The following STRN3 variants were observed in gnomAD, a reference collection of about 807,000 sequenced individuals.
The protein encoded by STRN3 is striatin-3.
Under a neutral mutation model 95.6 loss-of-function variants are expected in STRN3, and 29 were observed. The ratio of observed to expected loss-of-function variants is 0.30; its 90% CI spans 0.23 to 0.41. The LOEUF (loss-of-function observed/expected upper bound fraction) is 0.41, where lower values mean the gene tolerates loss of function less well. STRN3 is among the 10% of genes least tolerant of loss of function. STRN3 has a pLI of 1.00. For synonymous variants in STRN3, 331 were observed against 357.6 expected (o/e 0.93, Z 0.84); for missense variants, 890 against 972.1 (o/e 0.92, Z 1.12).
intron 1 of STRN3, among the ~76,000 whole-genome samples, chr14:31,015,230 A>C (rs746151104): frequency 5.3e-5 from 8 of 152,166 alleles, no homozygotes; most frequent in Non-Finnish European, 7.3e-5. Context: ...TTTGACACAA[A>C]CCATGCCACT....
At chr14:30,979,975 G>A (rs2139222699) in intron 1 of STRN3, among the ~76,000 whole-genome samples, 1 of 134,758 alleles carries the variant, frequency 7.4e-6, no homozygotes, top group Non-Finnish European at 1.7e-5. Flanking sequence ...CAGGCCAGGT[G>A]CGGTGGCTCA....
chr14:30,968,954 T>A (rs949418886), intron 1 of STRN3, among the ~76,000 whole-genome samples: 1 of 152,100 alleles, frequency 6.6e-6, no homozygotes, highest in Non-Finnish European at 1.5e-5. Context: ...TTAAAAAAAA[T>A]ATATATTTTG....
intron 15 of STRN3, among the ~76,000 whole-genome samples, chr14:30,902,981 G>A (rs2138957957): frequency 6.6e-6 from 1 of 152,114 alleles, no homozygotes; most frequent in African/African-American, 2.4e-5. Context: ...AGCATTTAAA[G>A]AAGGAAAACA....
chr14:31,008,917 T>C (rs772967427), intron 1 of STRN3, among the ~76,000 whole-genome samples: 2 of 151,798 alleles, frequency 1.3e-5, no homozygotes, highest in Admixed American at 6.6e-5. Context: ...CACACACCTA[T>C]AGTCTCAGCT....
At chr14:30,948,770 T>C (rs1879491952) in intron 4 of STRN3, among the ~76,000 whole-genome samples, 1 of 152,194 alleles carries the variant, frequency 6.6e-6, no homozygotes, top group Non-Finnish European at 1.5e-5. Context: ...AGAGACTAAA[T>C]TGTAAATCAG....
At chr14:30,945,154 A>G (rs1413924977) in intron 5 of STRN3, among the ~76,000 whole-genome samples, 1 of 152,170 alleles carries the variant, frequency 6.6e-6, no homozygotes, top group Non-Finnish European at 1.5e-5. Context: ...TATATCTGTT[A>G]GACAATAACA....
At chr14:30,919,411 A>G (rs1896826501) in intron 8 of STRN3, among the ~76,000 whole-genome samples, 3 of 151,838 alleles carry the variant, frequency 2.0e-5, no homozygotes, top group African/African-American at 4.8e-5. Flanking sequence ...AGAGTTCTTT[A>G]AAGTTCTGTA....
chr14:30,943,513 T>C (rs930279514), intron 5 of STRN3, among the ~76,000 whole-genome samples: 8 of 152,054 alleles, frequency 5.3e-5, no homozygotes, highest in African/African-American at 9.7e-5. Context: ...AGTGGGAGGA[T>C]TGCTTGAGCC....
At chr14:30,982,332 G>A (rs1461372229) in intron 1 of STRN3, among the ~76,000 whole-genome samples, 1 of 152,096 alleles carries the variant, frequency 6.6e-6, no homozygotes, top group Non-Finnish European at 1.5e-5. Context: ...TTTTTAGACA[G>A]AGTCTCACTC....
At chr14:30,942,808 C>T (rs1356823367) in intron 5 of STRN3, among the ~76,000 whole-genome samples, 1 of 152,150 alleles carries the variant, frequency 6.6e-6, no homozygotes, top group East Asian at 1.9e-4. Context: ...CAACTAGATA[C>T]ACAATATTTC....
At chr14:30,907,106 A>G (rs1042780095) in intron 13 of STRN3, 62 bp from the exon 14 acceptor site, 5 of 1,566,326 alleles carry the variant, frequency 3.2e-6, no homozygotes, top group Admixed American at 3.9e-5. Context: ...ACTTTGATAC[A>G]TAAAGAAAAC....
intron 3 of STRN3, among the ~76,000 whole-genome samples, chr14:30,955,089 G>A (rs1215289451): frequency 1.3e-5 from 2 of 151,926 alleles, no homozygotes; most frequent in East Asian, 3.9e-4. Context: ...ACAGTTTCTT[G>A]GCATCAGAAT....
chr14:30,982,098 CAAAAAAA>C (rs11451891), intron 1 of STRN3, among the ~76,000 whole-genome samples: 3 of 75,556 alleles, frequency 4.0e-5, no homozygotes, highest in Non-Finnish European at 7.0e-5. Flanking sequence ...CTCTGTCTCA[CAAAAAAA>C]AAAAAAAAAA....
intron 16 of STRN3, among the ~76,000 whole-genome samples, chr14:30,900,449 G>T (rs1896279087): frequency 6.8e-6 from 1 of 147,906 alleles, no homozygotes; most frequent in Admixed American, 6.7e-5. Context: ...GGGGCGGGGG[G>T]GGGCGGTGTG....
intron 1 of STRN3, 54 bp downstream of exon 1, chr14:31,025,850 C>G: frequency 1.3e-6 from 2 of 1,561,936 alleles, no homozygotes; most frequent in Non-Finnish European, 1.7e-6. Flanking sequence ...AGCCCCACCC[C>G]CCGGCCGGGA....
intron 9 of STRN3, 107 bp downstream of exon 9, chr14:30,918,859 A>C (rs1210972122): frequency 1.1e-5 from 13 of 1,171,646 alleles, no homozygotes; most frequent in African/African-American, 6.3e-5. Context: ...TAAAGATCAT[A>C]TAAAATGATC....
chr14:30,935,987 T>C (rs1878797980), intron 6 of STRN3, among the ~76,000 whole-genome samples: 1 of 152,248 alleles, frequency 6.6e-6, no homozygotes, highest in African/African-American at 2.4e-5. Flanking sequence ...AACTCTACTT[T>C]GGCTTCTACA....
intron 7 of STRN3, 110 bp from the exon 8 acceptor site, chr14:30,929,421 T>C (rs1878368117): frequency 1.2e-6 from 1 of 818,900 alleles, no homozygotes; most frequent in South Asian, 1.6e-5. Flanking sequence ...ACTAATAGCA[T>C]ATACTCAAAA....
chr14:30,930,579 T>C (rs928180623), intron 7 of STRN3, among the ~76,000 whole-genome samples: 3 of 152,144 alleles, frequency 2.0e-5, no homozygotes, highest in South Asian at 2.1e-4. Context: ...AATCCTAAGT[T>C]TGAAATTAAT....
Sources: allele counts gnomAD v4.1 joint callset (sites outside exome capture counted in the v4.1 genomes callset), GRCh38; gene constraint gnomAD v4.1.1; transcripts MANE v1.5; gene names NCBI Gene and HGNC (gene_info 2026-07-23, HGNC 2026-07-21).